B4GALT6: variants seen among roughly 807,000 people sequenced by gnomAD.
B4GALT6 encodes the protein UDP-Gal:beta-GlcNAc beta-1,4-galactosyltransferase 6.
Under a neutral mutation model 46.3 loss-of-function variants are expected in B4GALT6, and 14 were observed. That is an observed-to-expected ratio of 0.30 (90% CI 0.20 to 0.47). B4GALT6 has a LOEUF of 0.47. B4GALT6 is among the 20% of genes least tolerant of loss of function. The pLI, the probability that B4GALT6 is intolerant of heterozygous loss-of-function variation, is 0.99. For missense variants in B4GALT6, 386 were observed against 480.1 expected, an observed-to-expected ratio of 0.80 and a Z score of 1.83; for synonymous variants, 168 against 162.0, an observed-to-expected ratio of 1.04 and a Z score of -0.28.
At chr18:31,700,435 T>TTG in the B4GALT6 span, among the ~76,000 whole-genome samples, 1,241 of 139,566 alleles carry the variant, frequency 8.9e-3, 22 homozygotes, top group African/African-American at 0.023. Flanking sequence ...AATTGACTAT[T>TTG]TGTGTGTGTG....
chr18:31,717,928 A>T, the B4GALT6 span, among the ~76,000 whole-genome samples: 1 of 139,814 alleles, frequency 7.2e-6, no homozygotes, highest in African/African-American at 2.7e-5. Flanking sequence ...CACTCCAGCT[A>T]GGGCAAAAAG....
the B4GALT6 span, among the ~76,000 whole-genome samples, chr18:31,722,845 A>G: frequency 6.6e-6 from 1 of 152,226 alleles, no homozygotes; most frequent in South Asian, 2.1e-4. Context: ...TTCAATCACT[A>G]ATGAAATACC....
the B4GALT6 span, among the ~76,000 whole-genome samples, chr18:31,716,754 A>G: frequency 6.6e-6 from 1 of 152,144 alleles, no homozygotes; most frequent in Admixed American, 6.5e-5. Context: ...TCACACATCC[A>G]CAATTACATG....
chr18:31,683,605 C>CA (rs1191200152), intron 1 of B4GALT6, among the ~76,000 whole-genome samples: 3 of 151,956 alleles, frequency 2.0e-5, no homozygotes, highest in Admixed American at 6.6e-5. Flanking sequence ...CACCAAAGGC[C>CA]AAAAAATGAT....
At chr18:31,627,390 G>C (rs895193733) in intron 6 of B4GALT6, among the ~76,000 whole-genome samples, 13 of 152,114 alleles carry the variant, frequency 8.5e-5, no homozygotes, top group East Asian at 5.8e-4. Context: ...AATAAAATCT[G>C]TAAGGCTCAA....
At chr18:31,680,489 C>T (rs1475044926) in intron 1 of B4GALT6, among the ~76,000 whole-genome samples, 1 of 152,156 alleles carries the variant, frequency 6.6e-6, no homozygotes, top group African/African-American at 2.4e-5. Flanking sequence ...TAACAAAGCA[C>T]TCAGCCAGAT....
chr18:31,624,129 C>A lies in B4GALT6; in HGVS notation c.*1485G>T, dbSNP rs1215778748. On this transcript the variant is annotated 3_prime_UTR_variant, in exon 9 of 9. Coordinates refer to ENST00000306851, the MANE Select transcript of B4GALT6 (RefSeq NM_004775.5). ...ATGTACTTGATATCAGGTAGTAAGA[C>A]CTTTTTTCAGAGAACAGTCATATGA... The A allele has an allele frequency of 6.6e-6, 1 of 151,892 alleles. No individual in the cohort carries two copies. Among genetic ancestry groups the A allele is most frequent in the Non-Finnish European group, 1.5e-5 (1 of 67,862 alleles). 9.4% of individuals were successfully genotyped at this position (151,892 alleles called of 1,614,324 possible). A position where few individuals can be genotyped will look rare whatever the true frequency, so the allele number is the denominator to read the frequency against.
At chr18:31,684,802 G>C, upstream of B4GALT6, 1 of 1,027,664 alleles carries the variant, frequency 9.7e-7, no homozygotes, top group Non-Finnish European at 1.2e-6. Context: ...CGCAGGCTGC[G>C]CGCCGCGGCG....
At chr18:31,705,561 G>A in the B4GALT6 span, among the ~76,000 whole-genome samples, 1 of 152,140 alleles carries the variant, frequency 6.6e-6, no homozygotes. Flanking sequence ...GCTAATTTTT[G>A]TATTTTTAGT....
chr18:31,659,368 T>C (rs763358186), intron 2 of B4GALT6, among the ~76,000 whole-genome samples: 3 of 152,068 alleles, frequency 2.0e-5, no homozygotes, highest in Non-Finnish European at 4.4e-5. Flanking sequence ...ATTGTCACAA[T>C]GGAGTTGGTG....
chr18:31,703,663 G>A, the B4GALT6 span, among the ~76,000 whole-genome samples: 1 of 152,192 alleles, frequency 6.6e-6, no homozygotes, highest in Non-Finnish European at 1.5e-5. Context: ...GAGGTCGGAG[G>A]TTAAGCCAGT....
chr18:31,709,319 C>T, the B4GALT6 span, among the ~76,000 whole-genome samples: 1 of 151,596 alleles, frequency 6.6e-6, no homozygotes, highest in Non-Finnish European at 1.5e-5. Context: ...TCCTCTTCAG[C>T]CTCCCAGGTA....
the B4GALT6 span, chr18:31,724,495 TG>T: frequency 2.0e-6 from 2 of 1,011,118 alleles, no homozygotes; most frequent in Non-Finnish European, 2.4e-6. Flanking sequence ...TTTGATTACC[TG>T]GGGTCTTCTG....
rs2073631319 is a variant in B4GALT6 at position 31,622,605 on chromosome 18, G to C, written c.*3009C>G. 1 of 151,958 alleles carries C rather than the reference G, an allele frequency of 6.6e-6. No homozygotes were observed. The highest frequency in any genetic ancestry group is 1.5e-5 in the Non-Finnish European group (1 of 67,880). 9.4% of individuals were successfully genotyped at this position (151,958 alleles called of 1,614,324 possible). The stretch of plus-strand genomic sequence containing the variant: ...CCTCCAGAAAGAGAATATTGTATTG[G>C]ACATTTTTCCATTTTGTTTTAAAAT... On this transcript the variant is annotated 3_prime_UTR_variant, in exon 9 of 9. Transcript: ENST00000306851.
At chr18:31,663,664 C>G (rs1294044536) in intron 2 of B4GALT6, among the ~76,000 whole-genome samples, 1 of 152,138 alleles carries the variant, frequency 6.6e-6, no homozygotes, top group Non-Finnish European at 1.5e-5. Context: ...CTCTAGAGCT[C>G]AGTTAGCTTT....
At chr18:31,629,572 G>A (rs1218088535) in intron 6 of B4GALT6, among the ~76,000 whole-genome samples, 2 of 147,892 alleles carry the variant, frequency 1.4e-5, no homozygotes, top group Non-Finnish European at 1.5e-5. Context: ...GATTGTTGCC[G>A]GGCACGGTGG....
intron 2 of B4GALT6, among the ~76,000 whole-genome samples, chr18:31,665,831 C>G (rs1262320110): frequency 6.6e-6 from 1 of 152,154 alleles, no homozygotes; most frequent in East Asian, 1.9e-4. Context: ...GGCCATAACA[C>G]TATTAACAAT....
the B4GALT6 span, among the ~76,000 whole-genome samples, chr18:31,722,996 G>C: frequency 6.6e-6 from 1 of 152,136 alleles, no homozygotes; most frequent in Non-Finnish European, 1.5e-5. Context: ...TTAAATCTTG[G>C]CATACTCAAA....
upstream of B4GALT6, among the ~76,000 whole-genome samples, chr18:31,685,315 G>T (rs1225813685): frequency 5.9e-5 from 9 of 151,526 alleles, 1 homozygote; most frequent in Non-Finnish European, 1.3e-4. Flanking sequence ...GGGCAGAGCC[G>T]GGGAGCCGGA....
Sources: gnomAD v4.1 joint callset for allele counts (sites outside exome capture counted in the v4.1 genomes callset) on GRCh38, gnomAD v4.1.1 for gene constraint, MANE v1.5 for transcripts, NCBI Gene and HGNC (gene_info 2026-07-23, HGNC 2026-07-21) for gene names.